The following OR51L1 variants were observed in gnomAD, a reference collection of about 807,000 sequenced individuals.
OR51L1 encodes olfactory receptor family 51 subfamily L member 1.
OR51L1 carries 1 observed loss-of-function variant against 1.4 expected under a neutral mutation model. The observed-to-expected ratio is 0.72, with a 90% CI of 0.26 to 3.42. OR51L1 has a LOEUF of 3.42. Ranked by LOEUF, OR51L1 falls within the 30% of genes most tolerant of loss-of-function variation. The pLI is 0.20. For synonymous variants in OR51L1, 156 were observed against 144.2 expected (o/e 1.08, Z -0.59); for missense variants, 378 against 380.0 (o/e 0.99, Z 0.04).
intron 1 of OR51L1, among the ~76,000 whole-genome samples, chr11:4,996,641 A>G (rs565957291): frequency 2.0e-5 from 3 of 152,076 alleles, no homozygotes; most frequent in Non-Finnish European, 2.9e-5. Flanking sequence ...CTACTTCTCC[A>G]CTGTGGCCAC....
chr11:5,000,266 G>T lies in OR51L1; in HGVS notation c.*336G>T, dbSNP rs919093837. The stretch of plus-strand genomic sequence containing the variant: ...AACAGTATTTTCCTTCTTAAATGTA[G>T]CTGTGTTTATATTGTTTCTCATGTT... On this transcript the variant is annotated 3_prime_UTR_variant, in exon 3 of 3. Transcript: ENST00000641819. The T allele has an allele frequency of 5.1e-6, 1 of 194,426 alleles. No homozygotes were observed. Among genetic ancestry groups the T allele is most frequent in the East Asian group, 1.3e-4 (1 of 7,764 alleles). 12.0% of individuals were successfully genotyped at this position (194,426 alleles called of 1,614,324 possible).
At chr11:4,997,162 A>T (rs906754039) in intron 1 of OR51L1, among the ~76,000 whole-genome samples, 3 of 152,030 alleles carry the variant, frequency 2.0e-5, no homozygotes, top group Admixed American at 1.3e-4. Flanking sequence ...ACTTGGGTAA[A>T]AGTAGAAAAA....
rs11035064 is a variant in OR51L1, at chr11:4,998,959, C to T, written c.-24C>T. The T allele has an allele frequency of 0.28, 453,215 of 1,595,812 alleles. 66,922 individuals are homozygous for T. Among genetic ancestry groups the T allele is most frequent in the African/African-American group, 0.31 (22,962 of 74,446 alleles). On this transcript the variant is annotated 5_prime_UTR_variant, in exon 3 of 3. Coordinates refer to ENST00000641819, the MANE Select transcript of OR51L1 (RefSeq NM_001004755.2). ...GGAAAACACGAACCATTCCTCACTA[C>T]TTGCTGAATTACTCAAAGTCACTAT...
Position 4,999,500 on chromosome 11 carries a change from G to C in OR51L1, c.518G>C (p.Gly173Ala). The C allele has an allele frequency of 6.2e-7, 1 of 1,614,050 alleles. No individual in the cohort carries two copies. The highest frequency in any genetic ancestry group is 1.3e-5 in the African/African-American group (1 of 75,010). The change falls in exon 3 of 3, where the codon GGC becomes GCC. Residue 173 changes from glycine to alanine, a missense_variant. Gly to Ala is a moderately conservative substitution (Grantham distance 60). Transcript: ENST00000641819. Reference sequence around the variant, plus strand: ...CTGAGACACTATCACTACTGCCATGGCAATGCCCTCTCTCACGCCTTCTGT... The same window carrying C: ...CTGAGACACTATCACTACTGCCATGCCAATGCCCTCTCTCACGCCTTCTGT... ...LLLRHYHYCH[G>A]NALSHAFCLH... is the part of the protein sequence containing the mutation.
rs959172019 is a variant in OR51L1, at chr11:4,994,913, C to T, written c.-684C>T. 1 of 152,086 alleles carries T rather than the reference C, an allele frequency of 6.6e-6. No individual in the cohort carries two copies. The highest frequency in any genetic ancestry group is 2.4e-5 in the African/African-American group (1 of 41,408). 9.4% of individuals were successfully genotyped at this position (152,086 alleles called of 1,614,324 possible). ...AAAATTGTAGCATCTTTAATCAGTA[C>T]AGGTTTGATTTTCAGGTAGAGATGG... On this transcript the variant is annotated 5_prime_UTR_variant, in exon 1 of 3. Transcript: ENST00000641819.
At position 5,004,245 on chromosome 11, in the gene OR51L1, G is replaced by T. The variant is rs982434000; in HGVS notation, c.*4315G>T. ...GTGTTTAGAAAGACACTTCTGTGGG[G>T]TATAGGTGAACCAAGGCTGAGAGAC... On this transcript the variant is annotated 3_prime_UTR_variant, in exon 3 of 3. Coordinates refer to ENST00000641819, the MANE Select transcript of OR51L1 (RefSeq NM_001004755.2). 3 of 152,198 alleles carry T rather than the reference G, an allele frequency of 2.0e-5. No individual in the cohort carries two copies. Among genetic ancestry groups the T allele is most frequent in the Non-Finnish European group, 2.9e-5 (2 of 68,054 alleles). The allele number at this position is 152,198 out of a possible 1,614,324, so 9.4% of individuals were successfully genotyped here. A position where few individuals can be genotyped will look rare whatever the true frequency, so the allele number is the denominator to read the frequency against.
In OR51L1 at chr11:4,999,213, G is replaced by C; in HGVS notation, c.231G>C (p.Leu77=). ...ILAVNDLGMS[L]STLPTMLAVL... ...CAGTGAATGACCTGGGGATGTCCCT[G>C]TCTACACTTCCCACCATGCTTGCTG... Residue 77 remains leucine, a synonymous_variant, in exon 3 of 3, where the codon CTG becomes CTC. Transcript: ENST00000641819. The C allele has an allele frequency of 6.2e-7, 1 of 1,614,132 alleles. No homozygotes were observed. Among genetic ancestry groups the C allele is most frequent in the Non-Finnish European group, 8.5e-7 (1 of 1,180,012 alleles).
Sources: allele counts gnomAD v4.1 joint callset (sites outside exome capture counted in the v4.1 genomes callset), GRCh38; gene constraint gnomAD v4.1.1; transcripts MANE v1.5; gene names NCBI Gene and HGNC (gene_info 2026-07-23, HGNC 2026-07-21).